The following MB21D2 variants were observed in gnomAD, a reference collection of about 807,000 sequenced individuals.
The protein encoded by MB21D2 is Mab-21 domain containing 2.
MB21D2 carries 9 observed loss-of-function variants against 33.3 expected under a neutral mutation model. That is an observed-to-expected ratio of 0.27 (90% confidence interval 0.16 to 0.47). The LOEUF is 0.47. MB21D2 is among the 20% of genes least tolerant of loss of function. The pLI is 0.99. For missense variants in MB21D2, 540 were observed against 624.6 expected, an observed-to-expected ratio of 0.86 and a Z score of 1.44; for synonymous variants, 241 against 236.3, an observed-to-expected ratio of 1.02 and a Z score of -0.18.
At chr3:192,853,222 G>A (rs142285682) in intron 1 of MB21D2, among the ~76,000 whole-genome samples, 323 of 152,166 alleles carry the variant, frequency 2.1e-3, no homozygotes, top group African/African-American at 7.7e-3. Context: ...ATCACCCCTC[G>A]AAGGTCTTCT....
intron 1 of MB21D2, among the ~76,000 whole-genome samples, chr3:192,816,223 T>TA (rs11423810): frequency 0.37 from 55,619 of 150,612 alleles, 10,762 homozygotes; most frequent in East Asian, 0.59. Context: ...TTTTTTTTTT[T>TA]AAAAAAAAAG....
chr3:192,888,758 G>C (rs1401407623), intron 1 of MB21D2, among the ~76,000 whole-genome samples: 1 of 151,940 alleles, frequency 6.6e-6, no homozygotes, highest in Non-Finnish European at 1.5e-5. Context: ...TTTATTTATT[G>C]AGTCTTTACT....
At chr3:192,879,604 T>C (rs767570161) in intron 1 of MB21D2, among the ~76,000 whole-genome samples, 16 of 152,126 alleles carry the variant, frequency 1.1e-4, no homozygotes, top group Non-Finnish European at 1.5e-4. Context: ...GAAGACACCA[T>C]TAAGTGGCAG....
At chr3:192,877,734 A>C (rs1407108366) in intron 1 of MB21D2, among the ~76,000 whole-genome samples, 2 of 152,252 alleles carry the variant, frequency 1.3e-5, no homozygotes, top group Non-Finnish European at 2.9e-5. Flanking sequence ...TTTATGAATA[A>C]GTAATAGCTT....
At chr3:192,896,162 A>G (rs1713968777) in intron 1 of MB21D2, among the ~76,000 whole-genome samples, 2 of 152,228 alleles carry the variant, frequency 1.3e-5, no homozygotes, top group Admixed American at 1.3e-4. Context: ...TTTTAAAAAA[A>G]CATGGCTATA....
At chr3:192,913,692 C>G (rs1340049429) in intron 1 of MB21D2, among the ~76,000 whole-genome samples, 1 of 151,970 alleles carries the variant, frequency 6.6e-6, no homozygotes, top group African/African-American at 2.4e-5. Context: ...ATTAGCTGGG[C>G]ACGGTGGTAC....
chr3:192,844,838 C>T (rs903983779), intron 1 of MB21D2, among the ~76,000 whole-genome samples: 1 of 152,196 alleles, frequency 6.6e-6, no homozygotes, highest in Admixed American at 6.5e-5. Flanking sequence ...AAAAGAGAAA[C>T]CTGAATAAGC....
intron 1 of MB21D2, among the ~76,000 whole-genome samples, chr3:192,888,893 C>T (rs1231516660): frequency 1.3e-5 from 2 of 152,070 alleles, no homozygotes; most frequent in African/African-American, 4.8e-5. Flanking sequence ...ACCAAGCTAT[C>T]TAGAGTCCAG....
chr3:192,905,731 T>G (rs1308682799), intron 1 of MB21D2, among the ~76,000 whole-genome samples: 4 of 130,766 alleles, frequency 3.1e-5, no homozygotes, highest in East Asian at 2.2e-4. Flanking sequence ...TACTCAGGAG[T>G]CTGAGGTGGG....
At chr3:192,863,006 C>A (rs565464083) in intron 1 of MB21D2, among the ~76,000 whole-genome samples, 7 of 152,178 alleles carry the variant, frequency 4.6e-5, no homozygotes, top group Non-Finnish European at 1.0e-4. Flanking sequence ...AGGGCAGAGA[C>A]CTCATGACCT....
intron 1 of MB21D2, among the ~76,000 whole-genome samples, chr3:192,838,386 G>C (rs1712490882): frequency 6.6e-6 from 1 of 150,802 alleles, no homozygotes; most frequent in Non-Finnish European, 1.5e-5. Context: ...ACCTTCAAGA[G>C]AAAAATGGGC....
intron 1 of MB21D2, among the ~76,000 whole-genome samples, chr3:192,855,249 C>T (rs1712891945): frequency 6.6e-6 from 1 of 152,116 alleles, no homozygotes; most frequent in Non-Finnish European, 1.5e-5. Context: ...CAGGCACCTA[C>T]CACCGCGCCT....
At chr3:192,853,028 G>C (rs1027672877) in intron 1 of MB21D2, among the ~76,000 whole-genome samples, 9 of 148,358 alleles carry the variant, frequency 6.1e-5, no homozygotes, top group African/African-American at 1.5e-4. Context: ...ATCTCTCTCT[G>C]TCTCTCTCTC....
chr3:192,864,947 A>G (rs976693860), intron 1 of MB21D2, among the ~76,000 whole-genome samples: 2 of 152,146 alleles, frequency 1.3e-5, no homozygotes, highest in South Asian at 2.1e-4. Flanking sequence ...TGCAGTTTCA[A>G]TGGGAATATT....
intron 1 of MB21D2, among the ~76,000 whole-genome samples, chr3:192,846,616 A>G (rs1364786761): frequency 6.6e-6 from 1 of 152,058 alleles, no homozygotes; most frequent in African/African-American, 2.4e-5. Flanking sequence ...TCTCAGAAAA[A>G]TCTCTTTCTG....
chr3:192,848,967 T>C (rs761788115), intron 1 of MB21D2, among the ~76,000 whole-genome samples: 2 of 152,190 alleles, frequency 1.3e-5, no homozygotes, highest in Non-Finnish European at 2.9e-5. Context: ...AACCCTGGAA[T>C]TCCCCAAGTT....
intron 1 of MB21D2, among the ~76,000 whole-genome samples, chr3:192,821,793 G>A (rs1466779865): frequency 6.6e-6 from 1 of 152,190 alleles, no homozygotes; most frequent in African/African-American, 2.4e-5. Context: ...GCCATGATGG[G>A]CCGTCAGGGT....
intron 1 of MB21D2, among the ~76,000 whole-genome samples, chr3:192,914,409 C>T (rs1714418295): frequency 6.6e-6 from 1 of 152,162 alleles, no homozygotes; most frequent in East Asian, 1.9e-4. Context: ...CATCTGCATA[C>T]CCCCTTTTCT....
chr3:192,913,986 G>A (rs1040575701), intron 1 of MB21D2, among the ~76,000 whole-genome samples: 1 of 152,144 alleles, frequency 6.6e-6, no homozygotes, highest in Admixed American at 6.5e-5. Flanking sequence ...AACTCAGACT[G>A]TTCCAGAAAT....
Sources: gnomAD v4.1 joint callset for allele counts (sites outside exome capture counted in the v4.1 genomes callset) on GRCh38, gnomAD v4.1.1 for gene constraint, MANE v1.5 for transcripts, NCBI Gene and HGNC (gene_info 2026-07-23, HGNC 2026-07-21) for gene names.